Variants in CRAMP1 observed in about 807,000 individuals in gnomAD.
CRAMP1 encodes the protein protein cramped-like.
CRAMP1 carries 50 observed loss-of-function variants against 115.4 expected under a neutral mutation model. The observed-to-expected ratio is 0.43, with a 90% CI of 0.35 to 0.55. CRAMP1 has a LOEUF of 0.55. Among genes scored for constraint, CRAMP1 ranks in the 20% least tolerant of loss-of-function variants. The pLI is 0.01. For missense variants in CRAMP1, 1,679 were observed against 1,721.7 expected (o/e 0.98, Z 0.44); for synonymous variants, 866 against 745.4 (o/e 1.16, Z -2.64).
intron 1 of CRAMP1, among the ~76,000 whole-genome samples, chr16:1,612,873 C>T (rs1032642334): frequency 6.6e-6 from 1 of 152,114 alleles, no homozygotes; most frequent in Non-Finnish European, 1.5e-5. Context: ...GAGAAAAGTC[C>T]GGTCTCGTTG....
intron 2 of CRAMP1, among the ~76,000 whole-genome samples, chr16:1,617,898 T>G (rs1045183483): frequency 2.6e-5 from 4 of 152,204 alleles, no homozygotes; most frequent in Non-Finnish European, 4.4e-5. Context: ...TGTCTGTAAT[T>G]TTGCTTTTAA....
In CRAMP1 at chr16:1,666,738, G is replaced by A; in HGVS notation, c.3036+138G>A. 1.3e-6 allele frequency: 1 copy of A among 784,146 alleles called. No homozygotes were observed. The allele number at this position is 784,146 out of a possible 1,614,324, so 48.6% of individuals were successfully genotyped here. On this transcript the variant is annotated intron_variant, in intron 16 of 20. Transcript: ENST00000397412. This position sits in a 1 kb window ranked among gnomAD's most constrained non-coding sequence, Gnocchi z 5.0. ...CTGGACCAGGGGTGCCATGGCATAAGCAAACTCTGTGTAGTACAGAGCAGG... is the reference window on the plus strand; with the variant it reads ...CTGGACCAGGGGTGCCATGGCATAAACAAACTCTGTGTAGTACAGAGCAGG...
At chr16:1,640,573 T>G (rs537656115) in intron 5 of CRAMP1, among the ~76,000 whole-genome samples, 1 of 152,222 alleles carries the variant, frequency 6.6e-6, no homozygotes, top group Non-Finnish European at 1.5e-5. Flanking sequence ...GTAGCTGCTT[T>G]CTTGCACATC....
At chr16:1,622,068 T>G (rs1353157482) in intron 2 of CRAMP1, among the ~76,000 whole-genome samples, 1 of 152,204 alleles carries the variant, frequency 6.6e-6, no homozygotes, top group Non-Finnish European at 1.5e-5. Context: ...ACCAGGTGTC[T>G]CTGGTCCCAC....
rs1257590092 is a variant in CRAMP1, at chr16:1,656,290, G to T, written c.1533G>T (p.Arg511Ser). Residue 511 changes from arginine to serine, a missense_variant, in exon 10 of 21, where the codon AGG becomes AGT. By Grantham distance (110) the Arg-to-Ser change is moderately radical (BLOSUM62 -1). Coordinates refer to ENST00000397412, the MANE Select transcript of CRAMP1 (RefSeq NM_020825.4). The surrounding 1 kb of genome is among the most constrained non-coding windows in gnomAD (Gnocchi z 5.6). ...LSLSSPDAPD[R>S]PPPRHQDTGP... is the part of the protein sequence containing the mutation. Reference sequence around the variant, plus strand: ...TGAGCAGCCCGGACGCTCCTGACAGGCCTCCTCCCAGGCACCAGGACACTG... The same window carrying T: ...TGAGCAGCCCGGACGCTCCTGACAGTCCTCCTCCCAGGCACCAGGACACTG... The T allele has an allele frequency of 8.1e-6, 13 of 1,611,896 alleles. No individual in the cohort carries two copies. Among genetic ancestry groups the T allele is most frequent in the South Asian group, 1.1e-5 (1 of 91,042 alleles).
At chr16:1,635,046 G>A (rs1367930936) in intron 4 of CRAMP1, among the ~76,000 whole-genome samples, 2 of 152,118 alleles carry the variant, frequency 1.3e-5, no homozygotes, top group Non-Finnish European at 2.9e-5. Context: ...TTACAGGTGT[G>A]CACCACCACA....
chr16:1,636,593 T>C (rs2036590274), intron 4 of CRAMP1, among the ~76,000 whole-genome samples: 1 of 152,168 alleles, frequency 6.6e-6, no homozygotes. Context: ...AGGACAATTG[T>C]GAGAGTAGAG....
chr16:1,637,990 GT>G, intron 5 of CRAMP1, 83 bp downstream of exon 5: 2 of 612,030 alleles, frequency 3.3e-6, no homozygotes, highest in Non-Finnish European at 5.2e-6. Context: ...GTTGTTTCTA[GT>G]TTCCCTCTAA....
chr16:1,673,004 A>G (rs548977285), intron 20 of CRAMP1, among the ~76,000 whole-genome samples: 1 of 141,538 alleles, frequency 7.1e-6, no homozygotes, highest in Non-Finnish European at 1.6e-5. Context: ...TGCTCCCCAC[A>G]TGTCCTCAGG....
chr16:1,639,952 G>A (rs2036618478), intron 5 of CRAMP1, among the ~76,000 whole-genome samples: 2 of 152,188 alleles, frequency 1.3e-5, no homozygotes, highest in Admixed American at 1.3e-4. Flanking sequence ...TGATTGCTGA[G>A]TGAGGGGCAC....
chr16:1,671,478 C>T lies in CRAMP1; in HGVS notation c.3645+669C>T, dbSNP rs1466983394. The stretch of plus-strand genomic sequence containing the variant: ...TCCACCACATGGTTTGTGTGGCATT[C>T]GTGGGCAGGTCAGGCTTGCAGGGTG... On this transcript the variant is annotated intron_variant, in intron 20 of 20. Coordinates refer to ENST00000397412, the MANE Select transcript of CRAMP1 (RefSeq NM_020825.4). The surrounding 1 kb of genome is among the most constrained non-coding windows in gnomAD (Gnocchi z 5.0). Among the ~76,000 whole-genome samples, 1 of 152,184 alleles carries T rather than the reference C, an allele frequency of 6.6e-6. No individual in the cohort carries two copies. The highest frequency in any genetic ancestry group is 1.9e-4 in the East Asian group (1 of 5,200).
chr16:1,651,483 C>T lies in CRAMP1; in HGVS notation c.828-1013C>T, dbSNP rs571628122. On this transcript the variant is annotated intron_variant, in intron 6 of 20. Transcript: ENST00000397412. Reference sequence around the variant, plus strand: ...AGGTGGACTGAGGTCACACACAGGTCATCTAGAGGTGGATTGAGGTCACAC... The same window carrying T: ...AGGTGGACTGAGGTCACACACAGGTTATCTAGAGGTGGATTGAGGTCACAC... 1.6e-4 allele frequency among the ~76,000 whole-genome samples: 24 copies of T among 147,516 alleles called. No individual in the cohort carries two copies. The South Asian group carries it at 4.8e-3, about 29-fold the overall frequency.
intron 19 of CRAMP1, 86 bp from the exon 20 acceptor site, chr16:1,670,578 G>C: frequency 6.8e-7 from 1 of 1,475,064 alleles, no homozygotes; most frequent in African/African-American, 1.4e-5. Flanking sequence ...GCTTGGGCTG[G>C]CTGCCCCCAG....
intron 3 of CRAMP1, among the ~76,000 whole-genome samples, chr16:1,626,374 T>C (rs2036508466): frequency 6.6e-6 from 1 of 152,246 alleles, no homozygotes; most frequent in Admixed American, 6.5e-5. Flanking sequence ...AAGCTAGTAC[T>C]GGTGAGGTGT....
intron 6 of CRAMP1, among the ~76,000 whole-genome samples, chr16:1,642,113 C>G (rs902675489): frequency 5.9e-5 from 9 of 152,236 alleles, no homozygotes; most frequent in Admixed American, 2.6e-4. Context: ...GCACAACCAG[C>G]CCCGATCCTT....
rs143424289 is a variant in CRAMP1 at position 1,655,641 on chromosome 16, C to T, written c.1120-236C>T. 4.3e-4 allele frequency among the ~76,000 whole-genome samples: 66 copies of T among 152,322 alleles called. 1 individual carries two copies. Among genetic ancestry groups the T allele is most frequent in the African/African-American group, 1.5e-3 (61 of 41,582 alleles). On this transcript the variant is annotated intron_variant, in intron 9 of 20. Coordinates refer to ENST00000397412, the MANE Select transcript of CRAMP1 (RefSeq NM_020825.4). ...CTTCTTCACATCCATGGCTGGCTCC[C>T]GGCCCTGCCTGCTCCCCACATAGGC...
At position 1,659,810 on chromosome 16, in the gene CRAMP1, C is replaced by A. The variant is rs1386614393; in HGVS notation, c.2236-76C>A. ...TTCTGAGCTCGATGATTTTCTTGTGCCTCCTACTCCAGGGCACGCAAGAGC... is the reference window on the plus strand; with the variant it reads ...TTCTGAGCTCGATGATTTTCTTGTGACTCCTACTCCAGGGCACGCAAGAGC... On this transcript the variant is annotated intron_variant, in intron 10 of 20. Coordinates refer to ENST00000397412, the MANE Select transcript of CRAMP1 (RefSeq NM_020825.4). 23 of 1,350,942 alleles carry A rather than the reference C, an allele frequency of 1.7e-5. No homozygotes were observed. The East Asian group carries it at 5.1e-4, about 30-fold the overall frequency. 83.7% of individuals were successfully genotyped at this position (1,350,942 alleles called of 1,614,324 possible).
intron 5 of CRAMP1, among the ~76,000 whole-genome samples, chr16:1,640,871 G>C (rs1266928674): frequency 2.0e-5 from 3 of 152,160 alleles, no homozygotes; most frequent in African/African-American, 7.2e-5. Context: ...AGATCAACTG[G>C]TCAGAGGCTG....
chr16:1,621,879 C>G (rs373509226), intron 2 of CRAMP1, among the ~76,000 whole-genome samples: 1 of 152,206 alleles, frequency 6.6e-6, no homozygotes, highest in Non-Finnish European at 1.5e-5. Flanking sequence ...GCTGGGTGTC[C>G]TGCACCCAGA....
Sources: allele counts gnomAD v4.1 joint callset (sites outside exome capture counted in the v4.1 genomes callset), GRCh38; gene constraint gnomAD v4.1.1; non-coding constraint Gnocchi (gnomAD v3.1); transcripts MANE v1.5; gene names NCBI Gene and HGNC (gene_info 2026-07-23, HGNC 2026-07-21).